Variants in RAB39A observed in about 807,000 individuals in gnomAD.
RAB39A encodes the protein RAB39A, member RAS oncogene family, also known as ras-related protein Rab-39A.
RAB39A carries 17 observed loss-of-function variants against 20.9 expected under a neutral mutation model. The ratio of observed to expected loss-of-function variants is 0.81; its 90% CI spans 0.56 to 1.22. The LOEUF is 1.22. Ranked by LOEUF, RAB39A falls within the 50% of genes most tolerant of loss-of-function variation. The probability of loss-of-function intolerance (pLI) is 0.00; values close to 1 mark genes in which losing one functional copy is unlikely to be tolerated. For synonymous variants in RAB39A, 99 were observed against 103.4 expected, an observed-to-expected ratio of 0.96 and a Z score of 0.26; for missense variants, 234 against 270.5, an observed-to-expected ratio of 0.87 and a Z score of 0.95.
chr11:107,962,094 G>T lies in RAB39A; in HGVS notation c.376G>T (p.Gly126Ter). Residue 126 changes from glycine to a stop codon, truncating the protein, a stop_gained, in exon 2 of 2, where the codon GGA becomes TGA. Transcript: ENST00000320578. LOFTEE classifies it high-confidence loss of function. Reference protein sequence around the residue: ...QPFRIVFLLVGHKCDLASQRQ... With the variant: ...QPFRIVFLLV ...ATTTCGGATTGTATTTCTGCTAGTG[G>T]GACATAAATGTGATTTAGCTTCACA... 6.2e-7 allele frequency: 1 copy of T among 1,614,060 alleles called. No individual in the cohort carries two copies. Among genetic ancestry groups the T allele is most frequent in the South Asian group, 1.1e-5 (1 of 91,068 alleles).
chr11:107,939,260 AAAAG>A (rs1861234409), intron 1 of RAB39A, among the ~76,000 whole-genome samples: 1 of 148,778 alleles, frequency 6.7e-6, no homozygotes, highest in Non-Finnish European at 1.5e-5. Flanking sequence ...AAAAAAAAAA[AAAAG>A]AGAGAGAGAA....
At chr11:107,943,130 G>A (rs915398169) in intron 1 of RAB39A, among the ~76,000 whole-genome samples, 1 of 152,144 alleles carries the variant, frequency 6.6e-6, no homozygotes, top group Admixed American at 6.5e-5. Flanking sequence ...CTGTGAAATG[G>A]TTAGCCTTGT....
chr11:107,961,998 G>T lies in RAB39A; in HGVS notation c.280G>T (p.Asp94Tyr). Residue 94 changes from aspartate to tyrosine, a missense_variant, in exon 2 of 2, where the codon GAC becomes TAC. By Grantham distance (160) the Asp-to-Tyr change is radical. Coordinates refer to ENST00000320578, the MANE Select transcript of RAB39A (RefSeq NM_017516.3). ...CTCAGTTGGTGGATTTTTAGTATTT[G>T]ACATTACTAACCGACGATCTTTTGA... ...RNSVGGFLVF[D>Y]ITNRRSFEHV... 1 of 1,613,670 alleles carries T rather than the reference G, an allele frequency of 6.2e-7. No individual in the cohort carries two copies. The highest frequency in any genetic ancestry group is 8.5e-7 in the Non-Finnish European group (1 of 1,179,708).
At chr11:107,930,693 C>CA (rs1182721214) in intron 1 of RAB39A, among the ~76,000 whole-genome samples, 1 of 151,602 alleles carries the variant, frequency 6.6e-6, no homozygotes, top group Non-Finnish European at 1.5e-5. Flanking sequence ...CTGTCTCTAC[C>CA]AAAAATACAA....
intron 1 of RAB39A, among the ~76,000 whole-genome samples, chr11:107,959,764 G>A (rs752336735): frequency 2.6e-5 from 4 of 152,132 alleles, no homozygotes; most frequent in East Asian, 1.9e-4. Flanking sequence ...AAAGTATGAC[G>A]GTAACAAATA....
intron 1 of RAB39A, among the ~76,000 whole-genome samples, chr11:107,929,485 GGT>G (rs10687737): frequency 5.4e-4 from 81 of 148,758 alleles, no homozygotes; most frequent in Non-Finnish European, 6.9e-4. Flanking sequence ...CACAGCTGAG[GGT>G]GTGTGTGTGT....
intron 1 of RAB39A, among the ~76,000 whole-genome samples, chr11:107,932,164 G>C (rs1451386974): frequency 6.6e-6 from 1 of 152,056 alleles, no homozygotes; most frequent in Non-Finnish European, 1.5e-5. Context: ...CGCCAGGCCA[G>C]CCTTAGTTTT....
Position 107,932,764 on chromosome 11 carries a change from G to C in RAB39A, c.227+3969G>C, listed in dbSNP as rs910830767. On this transcript the variant is annotated intron_variant, in intron 1 of 1. Transcript: ENST00000320578. ...TCTCGCTCTCTCATCCAGGCTGGGT[G>C]TGGTGGCCAGATCTTAGCTCACTGC... Among the ~76,000 whole-genome samples, 3 of 152,162 alleles carry C rather than the reference G, an allele frequency of 2.0e-5. No individual in the cohort carries two copies. The East Asian group carries it at 5.8e-4, about 29-fold the overall frequency.
Position 107,939,419 on chromosome 11 carries a change from A to G in RAB39A, c.227+10624A>G, listed in dbSNP as rs1208038385. Among the ~76,000 whole-genome samples the G allele has an allele frequency of 4.0e-5, 6 of 150,990 alleles. 1 individual carries two copies. In the South Asian group the frequency reaches 1.3e-3, roughly 32 times the overall value. ...CAGGAGATCGAGACCATCCTGGCTAACACAGTGAAACCCCGTCTCTACTAA... is the reference window on the plus strand; with the variant it reads ...CAGGAGATCGAGACCATCCTGGCTAGCACAGTGAAACCCCGTCTCTACTAA... On this transcript the variant is annotated intron_variant, in intron 1 of 1. Transcript: ENST00000320578.
chr11:107,942,234 G>C (rs907951459), intron 1 of RAB39A, among the ~76,000 whole-genome samples: 1 of 152,036 alleles, frequency 6.6e-6, no homozygotes, highest in African/African-American at 2.4e-5. Context: ...AAAAGAGTAA[G>C]AGGTAAATTG....
At chr11:107,954,279 A>G (rs1350014908) in intron 1 of RAB39A, among the ~76,000 whole-genome samples, 1 of 152,322 alleles carries the variant, frequency 6.6e-6, no homozygotes, top group East Asian at 1.9e-4. Flanking sequence ...AAAGTGGGAT[A>G]AAAATACTGT....
intron 1 of RAB39A, among the ~76,000 whole-genome samples, chr11:107,931,935 C>T (rs1212147506): frequency 6.8e-6 from 1 of 146,536 alleles, no homozygotes; most frequent in African/African-American, 2.5e-5. Context: ...TGTTGGCTCA[C>T]TGCAGCCTCC....
chr11:107,931,151 T>G (rs562843529), intron 1 of RAB39A, among the ~76,000 whole-genome samples: 6 of 152,090 alleles, frequency 3.9e-5, no homozygotes, highest in South Asian at 4.1e-4. Context: ...TAATTTTGTA[T>G]TTTTAGTAGA....
chr11:107,946,009 A>G (rs1447883707), intron 1 of RAB39A, among the ~76,000 whole-genome samples: 1 of 152,064 alleles, frequency 6.6e-6, no homozygotes, highest in Admixed American at 6.6e-5. Context: ...GGGGATTCTG[A>G]CCAAGCCAAG....
intron 1 of RAB39A, among the ~76,000 whole-genome samples, chr11:107,929,487 T>G (rs1023775166): frequency 1.1e-4 from 16 of 147,752 alleles, no homozygotes; most frequent in South Asian, 2.1e-4. Flanking sequence ...CAGCTGAGGG[T>G]GTGTGTGTGT....
chr11:107,948,050 A>C lies in RAB39A; in HGVS notation c.228-13896A>C, dbSNP rs1227147725. Among the ~76,000 whole-genome samples the C allele has an allele frequency of 2.6e-5, 4 of 151,880 alleles. No homozygotes were observed. In the East Asian group the frequency reaches 7.7e-4, roughly 29 times the overall value. On this transcript the variant is annotated intron_variant, in intron 1 of 1. Coordinates refer to ENST00000320578, the MANE Select transcript of RAB39A (RefSeq NM_017516.3). ...GACATGGGGTACAAGGAACAGCTCT[A>C]TCTCTGAAAAAGGCAAGGGAACCTC...
Position 107,928,757 on chromosome 11 carries a change from G to A in RAB39A, c.189G>A (p.Lys63=). 6.2e-7 allele frequency: 1 copy of A among 1,605,202 alleles called. No homozygotes were observed. Among genetic ancestry groups the A allele is most frequent in the Non-Finnish European group, 8.5e-7 (1 of 1,175,298 alleles). Residue 63 remains lysine, a synonymous_variant, in exon 1 of 2, where the codon AAG becomes AAA. Transcript: ENST00000320578. This position sits in a 1 kb window ranked among gnomAD's most constrained non-coding sequence, Gnocchi z 4.9. ...LLEIEPGKRI[K]LQLWDTAGQE... is the part of the protein sequence containing the mutation. ...AGATCGAGCCGGGCAAGAGGATCAA[G>A]CTACAGCTCTGGGACACGGCGGGAC...
intron 1 of RAB39A, among the ~76,000 whole-genome samples, chr11:107,946,322 A>G (rs1444205493): frequency 1.0e-5 from 1 of 98,512 alleles, no homozygotes; most frequent in Non-Finnish European, 2.4e-5. Flanking sequence ...ATATATATAT[A>G]TATACACACA....
chr11:107,935,313 A>C (rs1209152954), intron 1 of RAB39A, among the ~76,000 whole-genome samples: 1 of 152,098 alleles, frequency 6.6e-6, no homozygotes. Context: ...ATGCTTGTAT[A>C]TATATGAGGA....
Sources: gnomAD v4.1 joint callset for allele counts (sites outside exome capture counted in the v4.1 genomes callset) on GRCh38, gnomAD v4.1.1 for gene constraint, Gnocchi (gnomAD v3.1) non-coding constraint, MANE v1.5 for transcripts, NCBI Gene and HGNC (gene_info 2026-07-23, HGNC 2026-07-21) for gene names.